The following OTUD5 variants were observed in gnomAD, a reference collection of about 807,000 sequenced individuals.
OTUD5 encodes the protein OTU domain-containing protein 5.
A neutral mutation model predicts 36.3 loss-of-function variants in OTUD5; 2 were observed. The observed-to-expected ratio is 0.06, with a 90% CI of 0.02 to 0.17. OTUD5 has a LOEUF of 0.17. Among genes scored for constraint, OTUD5 ranks in the 10% least tolerant of loss-of-function variants. The probability of loss-of-function intolerance (pLI) is 1.00; values close to 1 mark genes in which losing one functional copy is unlikely to be tolerated. For synonymous variants in OTUD5, 234 were observed against 214.9 expected, an observed-to-expected ratio of 1.09 and a Z score of -0.78; for missense variants, 233 against 512.3, an observed-to-expected ratio of 0.45 and a Z score of 5.26.
chrX:48,957,563 A>C lies in OTUD5; in HGVS notation c.8T>G (p.Ile3Arg). 1 of 805,583 alleles carries C rather than the reference A, an allele frequency of 1.2e-6. No homozygotes were observed. 66.4% of individuals were successfully genotyped at this position (805,583 alleles called of 1,213,427 possible). A position where few individuals can be genotyped will look rare whatever the true frequency, so the allele number is the denominator to read the frequency against. The change falls in exon 1 of 9, where the codon ATA becomes AGA. Residue 3 changes from isoleucine to arginine, a missense_variant. Around this residue, in one of 3 missense-constraint regions of OTUD5, gnomAD observed 155 missense variants for 217.2 expected, o/e 0.71. Transcript: ENST00000376488. ...AGGCGGCGGCTTCTTTTTGGGGAGTATAGTCATGGCTGCACTGCCGAGTAC... is the reference window on the plus strand; with the variant it reads ...AGGCGGCGGCTTCTTTTTGGGGAGTCTAGTCATGGCTGCACTGCCGAGTAC... The part of the protein sequence containing the change: MT[I>R]LPKKKPPPPD...
chrX:48,958,225 C>T (rs1320310722), upstream of OTUD5: 1 of 113,217 alleles, frequency 8.8e-6, no homozygotes, highest in Non-Finnish European at 1.9e-5. Flanking sequence ...CTCCCCGAAG[C>T]TCTGACCTGC....
At chrX:48,932,158 G>A (rs1569514267) in intron 5 of OTUD5, among the ~76,000 whole-genome samples, 1 of 57,696 alleles carries the variant, frequency 1.7e-5, no homozygotes, top group South Asian at 9.7e-4. Flanking sequence ...TCAAAAAAAA[G>A]ATGATAATAA....
chrX:48,937,552 T>A (rs1602395552), intron 2 of OTUD5, among the ~76,000 whole-genome samples: 1 of 111,837 alleles, frequency 8.9e-6, no homozygotes, highest in African/African-American at 3.3e-5. Flanking sequence ...AGGGAAGGGA[T>A]CTGGGGGAAA....
chrX:48,942,299 TACACACACACACACACACACACACACAC>T (rs61325018), intron 2 of OTUD5, among the ~76,000 whole-genome samples: 4 of 55,018 alleles, frequency 7.3e-5, no homozygotes, highest in Admixed American at 2.1e-4. Context: ...GCTAGCTAGA[TACACACACACACACACACACACACACAC>T]ACACACACAC....
intron 2 of OTUD5, among the ~76,000 whole-genome samples, chrX:48,937,189 T>C (rs1205300770): frequency 9.0e-6 from 1 of 111,620 alleles, no homozygotes; most frequent in African/African-American, 3.3e-5. Context: ...CCCAGCGGCA[T>C]TTCCAGCAAG....
At chrX:48,926,885 C>T (rs782474484) in intron 5 of OTUD5, among the ~76,000 whole-genome samples, 2 of 111,203 alleles carry the variant, frequency 1.8e-5, no homozygotes, top group Admixed American at 9.6e-5. Context: ...CATCAGAGTA[C>T]TGTTTTTCAG....
At chrX:48,946,339 G>C (rs782541227) in intron 1 of OTUD5, among the ~76,000 whole-genome samples, 1 of 111,602 alleles carries the variant, frequency 9.0e-6, no homozygotes, top group African/African-American at 3.3e-5. Flanking sequence ...TGTAAATAAC[G>C]TACCATATAC....
In OTUD5 at chrX:48,957,452, CCGCCCA is replaced by C. The variant is rs2064270050; in HGVS notation, c.113_118del (p.Val38_Gly39del). The C allele has an allele frequency of 2.1e-6, 2 of 969,327 alleles. No individual in the cohort carries two copies. Among genetic ancestry groups the C allele is most frequent in the East Asian group, 5.0e-5 (1 of 20,138 alleles). The allele number at this position is 969,327 out of a possible 1,213,427, so 79.9% of individuals were successfully genotyped here. A position where few individuals can be genotyped will look rare whatever the true frequency, so the allele number is the denominator to read the frequency against. ...GCCGCCGCCCACGCCCGTGCCGCCG[CCGCCCA>C]CGCCCACACCTCCGCCGCGCCGCGG... On this transcript the variant is annotated inframe_deletion, in exon 1 of 9. Coordinates refer to ENST00000376488, the MANE Select transcript of OTUD5 (RefSeq NM_001136157.2).
intron 1 of OTUD5, among the ~76,000 whole-genome samples, chrX:48,951,716 G>A (rs889606566): frequency 1.8e-5 from 2 of 111,959 alleles, no homozygotes; most frequent in Non-Finnish European, 3.8e-5. Flanking sequence ...AGAAGAGCAA[G>A]GCCCCAACAT....
intron 6 of OTUD5, among the ~76,000 whole-genome samples, chrX:48,925,340 C>T (rs1248991508): frequency 5.5e-5 from 6 of 109,189 alleles, no homozygotes; most frequent in Middle Eastern, 4.7e-3. Flanking sequence ...ACTCCAAACT[C>T]CTTGCGATTT....
intron 2 of OTUD5, chrX:48,940,142 T>C (rs2063896736): frequency 8.8e-6 from 1 of 113,808 alleles, no homozygotes; most frequent in Non-Finnish European, 1.9e-5. Context: ...TGACCTGGTC[T>C]GTAGCCCCAA....
In OTUD5 at chrX:48,942,244, T is replaced by TACACACACACACACACAC. The variant is rs1188711919; in HGVS notation, c.688+1928_688+1945dup. Among the ~76,000 whole-genome samples, 283 of 57,038 alleles carry TACACACACACACACACAC rather than the reference T, an allele frequency of 5.0e-3. 11 individuals carry two copies. Among genetic ancestry groups the TACACACACACACACACAC allele is most frequent in the African/African-American group, 0.015 (194 of 13,259 alleles). 49.5% of individuals were successfully genotyped at this position (57,038 alleles called of 115,157 possible). ...ACAGCTAGCTAGATACACACACACATACACACACACACACACACACACACA... is the reference window on the plus strand; with the variant it reads ...ACAGCTAGCTAGATACACACACACATACACACACACACACACACACACACACACACACACACACACACA... On this transcript the variant is annotated intron_variant, in intron 2 of 8. Transcript: ENST00000376488.
intron 6 of OTUD5, 115 bp from the exon 7 acceptor site, chrX:48,924,167 T>A (rs2063627154): frequency 3.1e-6 from 2 of 646,093 alleles, no homozygotes. Flanking sequence ...AGCTTCTATG[T>A]AGGTCAACAT....
chrX:48,944,883 G>A (rs1557051989), intron 1 of OTUD5, among the ~76,000 whole-genome samples: 1 of 111,182 alleles, frequency 9.0e-6, no homozygotes, highest in Non-Finnish European at 1.9e-5. Context: ...GTAGTCAGGC[G>A]TGGTGGTGCA....
In OTUD5 at chrX:48,957,404, ACGCCGGAGTCACGGTCGCGAT is replaced by A; in HGVS notation, c.146_166del (p.Asp49_Gly55del). 1 of 1,082,216 alleles carries A rather than the reference ACGCCGGAGTCACGGTCGCGAT, an allele frequency of 9.2e-7. No homozygotes were observed. The highest frequency in any genetic ancestry group is 1.2e-6 in the Non-Finnish European group (1 of 838,153). 89.2% of individuals were successfully genotyped at this position (1,082,216 alleles called of 1,213,427 possible). A position where few individuals can be genotyped will look rare whatever the true frequency, so the allele number is the denominator to read the frequency against. On this transcript the variant is annotated inframe_deletion, in exon 1 of 9. Coordinates refer to ENST00000376488, the MANE Select transcript of OTUD5 (RefSeq NM_001136157.2). Reference sequence around the variant, plus strand: ...CGAAGCTCGCGGACGGGCCCCCACGACGCCGGAGTCACGGTCGCGATCGCCGCCGCCCACGCCCGTGCCGCC... The same window carrying A: ...CGAAGCTCGCGGACGGGCCCCCACGACGCCGCCGCCCACGCCCGTGCCGCC...
chrX:48,928,036 T>C (rs893928609), intron 5 of OTUD5, among the ~76,000 whole-genome samples: 1 of 112,874 alleles, frequency 8.9e-6, no homozygotes, highest in Non-Finnish European at 1.9e-5. Flanking sequence ...CTCAACAGCA[T>C]TTGCCAATAG....
chrX:48,949,866 A>T (rs2064102815), intron 1 of OTUD5, among the ~76,000 whole-genome samples: 2 of 108,924 alleles, frequency 1.8e-5, no homozygotes, highest in Non-Finnish European at 3.8e-5. Flanking sequence ...AGAAAAGAAA[A>T]GCCCGGGCAC....
At chrX:48,945,117 A>G (rs1416674599) in intron 1 of OTUD5, among the ~76,000 whole-genome samples, 1 of 110,935 alleles carries the variant, frequency 9.0e-6, no homozygotes, top group Non-Finnish European at 1.9e-5. Flanking sequence ...ATCTACACAT[A>G]TATACATATG....
chrX:48,935,638 G>C (rs1292449350), intron 2 of OTUD5, among the ~76,000 whole-genome samples: 2 of 111,351 alleles, frequency 1.8e-5, no homozygotes, highest in African/African-American at 6.5e-5. Flanking sequence ...TCTGTAAAAT[G>C]GGAAAAAGAG....
Sources: gnomAD v4.1 joint callset for allele counts (sites outside exome capture counted in the v4.1 genomes callset) on GRCh38, gnomAD v4.1.1 for gene constraint, gnomAD v4.1.1 regional missense constraint, MANE v1.5 for transcripts, NCBI Gene and HGNC (gene_info 2026-07-23, HGNC 2026-07-21) for gene names.